The following GORASP2 variants were observed in gnomAD, a reference collection of about 807,000 sequenced individuals.
GORASP2 encodes golgi reassembly stacking protein 2, also known as Golgi reassembly-stacking protein 2.
Under a neutral mutation model 45.7 loss-of-function variants are expected in GORASP2, and 22 were observed. That is an observed-to-expected ratio of 0.48 (90% CI 0.34 to 0.69). GORASP2 has a LOEUF of 0.69. Ranked by LOEUF, GORASP2 falls within the 30% of genes least tolerant of loss-of-function variation. The pLI is 0.01. For synonymous variants in GORASP2, 221 were observed against 215.6 expected, an observed-to-expected ratio of 1.02 and a Z score of -0.22; for missense variants, 491 against 562.7, an observed-to-expected ratio of 0.87 and a Z score of 1.29.
intron 6 of GORASP2, among the ~76,000 whole-genome samples, chr2:170,955,906 C>G (rs1704414830): frequency 6.6e-6 from 1 of 152,162 alleles, no homozygotes; most frequent in Non-Finnish European, 1.5e-5. Flanking sequence ...ATAGAGACTC[C>G]TTTTTTTCTT....
intron 7 of GORASP2, among the ~76,000 whole-genome samples, chr2:170,959,168 G>T (rs1345553017): frequency 1.3e-5 from 2 of 151,580 alleles, no homozygotes; most frequent in Non-Finnish European, 2.9e-5. Flanking sequence ...CACCATGTTG[G>T]CCAGGCTGGT....
intron 1 of GORASP2, among the ~76,000 whole-genome samples, chr2:170,934,769 G>C (rs1575467611): frequency 6.6e-6 from 1 of 151,690 alleles, no homozygotes; most frequent in South Asian, 2.1e-4. Context: ...ATGGAGTCTC[G>C]CTCTGTTGCC....
chr2:170,946,936 G>A (rs1447568928), intron 1 of GORASP2, among the ~76,000 whole-genome samples: 1 of 152,012 alleles, frequency 6.6e-6, no homozygotes, highest in Non-Finnish European at 1.5e-5. Flanking sequence ...CAAGACTCTT[G>A]TCTCAAAAAA....
chr2:170,941,935 A>T (rs1430984333), intron 1 of GORASP2, among the ~76,000 whole-genome samples: 1 of 152,212 alleles, frequency 6.6e-6, no homozygotes. Flanking sequence ...GATATTGCCA[A>T]GTCATTTACT....
chr2:170,944,286 T>C (rs77297369), intron 1 of GORASP2, among the ~76,000 whole-genome samples: 2 of 152,190 alleles, frequency 1.3e-5, no homozygotes, highest in Non-Finnish European at 2.9e-5. Context: ...CTACAAAATA[T>C]AGGAAATTTC....
chr2:170,943,633 G>A (rs1704123846), intron 1 of GORASP2, among the ~76,000 whole-genome samples: 1 of 152,122 alleles, frequency 6.6e-6, no homozygotes, highest in African/African-American at 2.4e-5. Flanking sequence ...GGCTCTAAAA[G>A]TCTATTATTT....
At chr2:170,949,359 CGTA>C (rs886097613) in intron 2 of GORASP2, among the ~76,000 whole-genome samples, 177 bp from the exon 3 acceptor site, 1 of 152,198 alleles carries the variant, frequency 6.6e-6, no homozygotes, top group Admixed American at 6.5e-5. Flanking sequence ...TTGTTGCTAA[CGTA>C]AGAGTTCTTA....
At chr2:170,961,545 G>A (rs956155346) in intron 7 of GORASP2, 118 bp from the exon 8 acceptor site, 1 of 719,332 alleles carries the variant, frequency 1.4e-6, no homozygotes, top group Non-Finnish European at 2.6e-6. Flanking sequence ...CTGGAAATCG[G>A]GACCAAATGA....
intron 5 of GORASP2, among the ~76,000 whole-genome samples, chr2:170,953,643 G>T (rs1704354110): frequency 2.0e-5 from 3 of 152,314 alleles, no homozygotes; most frequent in South Asian, 4.1e-4. Context: ...TCAGTAAGGG[G>T]TTTTGGGTTC....
upstream of GORASP2, chr2:170,928,743 GT>G (rs1703737782): frequency 6.6e-6 from 1 of 152,232 alleles, no homozygotes; most frequent in African/African-American, 2.4e-5. Flanking sequence ...TGAGACTACT[GT>G]TTTATAAAGG....
intron 9 of GORASP2, among the ~76,000 whole-genome samples, chr2:170,965,367 G>A (rs1055215275): frequency 1.4e-4 from 22 of 152,232 alleles, no homozygotes; most frequent in African/African-American, 5.1e-4. Context: ...CAGGAGGGTT[G>A]CAGCCTACCT....
upstream of GORASP2, chr2:170,929,027 C>G: frequency 3.3e-6 from 1 of 305,124 alleles, no homozygotes. Flanking sequence ...GGCGCCAAAG[C>G]TGGGGGAAGC....
chr2:170,948,177 TTTA>T (rs1223417203), intron 1 of GORASP2, among the ~76,000 whole-genome samples, 170 bp from the exon 2 acceptor site: 2 of 151,238 alleles, frequency 1.3e-5, no homozygotes, highest in East Asian at 3.9e-4. Context: ...ATGGGTAGAG[TTTA>T]GGGAGCTGGA....
chr2:170,945,228 A>C (rs1211515243), intron 1 of GORASP2, among the ~76,000 whole-genome samples: 3 of 152,172 alleles, frequency 2.0e-5, no homozygotes, highest in East Asian at 3.8e-4. Flanking sequence ...TGGGAGGCTG[A>C]GATGGGAGGA....
intron 7 of GORASP2, among the ~76,000 whole-genome samples, chr2:170,957,644 T>G (rs1488231912): frequency 6.6e-6 from 1 of 152,226 alleles, no homozygotes; most frequent in East Asian, 1.9e-4. Context: ...TTTTATTTAT[T>G]TATTTTAAAG....
intron 1 of GORASP2, among the ~76,000 whole-genome samples, chr2:170,944,590 A>ATT (rs769584116): frequency 6.6e-5 from 10 of 152,208 alleles, no homozygotes; most frequent in Non-Finnish European, 1.2e-4. Context: ...GAAAATTTCC[A>ATT]TTTCAGACAA....
intron 1 of GORASP2, among the ~76,000 whole-genome samples, chr2:170,939,025 C>G (rs1238092881): frequency 3.9e-5 from 6 of 152,120 alleles, no homozygotes; most frequent in African/African-American, 9.7e-5. Context: ...AGAAGTTAAT[C>G]TGATTTGCCC....
chr2:170,936,877 G>T (rs140100592), intron 1 of GORASP2: 21 of 243,636 alleles, frequency 8.6e-5, no homozygotes, highest in South Asian at 6.7e-4. Flanking sequence ...TAACAGCAGC[G>T]TCTCTAAAAT....
intron 7 of GORASP2, among the ~76,000 whole-genome samples, chr2:170,960,514 A>G (rs1307118319): frequency 6.6e-6 from 1 of 152,248 alleles, no homozygotes; most frequent in African/African-American, 2.4e-5. Context: ...AAGAATGAAA[A>G]GAAACTTATG....
Sources: gnomAD v4.1 joint callset for allele counts (sites outside exome capture counted in the v4.1 genomes callset) on GRCh38, gnomAD v4.1.1 for gene constraint, MANE v1.5 for transcripts, NCBI Gene and HGNC (gene_info 2026-07-23, HGNC 2026-07-21) for gene names.